AHCTF1: variants seen among roughly 807,000 people sequenced by gnomAD.
The protein encoded by AHCTF1 is AT-hook containing transcription factor 1.
A neutral mutation model predicts 248.4 loss-of-function variants in AHCTF1; 24 were observed. The ratio of observed to expected loss-of-function variants is 0.10; its 90% CI spans 0.07 to 0.14. AHCTF1 has a LOEUF of 0.14. Among genes scored for constraint, AHCTF1 ranks in the 10% least tolerant of loss-of-function variants. AHCTF1 has a pLI of 1.00. For missense variants in AHCTF1, 2,206 were observed against 2,636.2 expected (o/e 0.84, Z 3.57); for synonymous variants, 786 against 929.8 (o/e 0.85, Z 2.81).
At chr1:246,901,830 A>C (rs552740578) in intron 8 of AHCTF1, among the ~76,000 whole-genome samples, 1 of 152,288 alleles carries the variant, frequency 6.6e-6, no homozygotes, top group Admixed American at 6.5e-5. Context: ...CCCTGTCTCT[A>C]AATAAATAAA....
intron 29 of AHCTF1, among the ~76,000 whole-genome samples, chr1:246,859,896 G>A (rs1403623424): frequency 4.6e-5 from 7 of 152,088 alleles, no homozygotes; most frequent in Admixed American, 4.6e-4. Context: ...TTGGAGGTGA[G>A]GACAGAGAGT....
chr1:246,907,220 TA>T (rs1319737580), intron 5 of AHCTF1, among the ~76,000 whole-genome samples: 1 of 152,218 alleles, frequency 6.6e-6, no homozygotes, highest in Non-Finnish European at 1.5e-5. Flanking sequence ...AGTAAAATTT[TA>T]TGAGACCCCT....
chr1:246,929,828 C>T (rs193253623), intron 1 of AHCTF1, among the ~76,000 whole-genome samples: 136 of 152,268 alleles, frequency 8.9e-4, no homozygotes, highest in Admixed American at 3.5e-3. Context: ...CCAAGGCGGG[C>T]GGATCACGAG....
chr1:246,891,690 C>G, intron 15 of AHCTF1, 89 bp downstream of exon 15: 1 of 1,353,084 alleles, frequency 7.4e-7, no homozygotes, highest in South Asian at 1.3e-5. Context: ...ACATAATGAT[C>G]CATCTAAGAC....
At chr1:246,922,880 G>A (rs1182176078) in intron 1 of AHCTF1, among the ~76,000 whole-genome samples, 2 of 150,572 alleles carry the variant, frequency 1.3e-5, no homozygotes, top group Non-Finnish European at 3.0e-5. Context: ...CTACTCGGGA[G>A]GCTGAGGCAG....
Position 246,907,541 on chromosome 1 carries a change from T to A in AHCTF1, c.764+10A>T, listed in dbSNP as rs753746962. The A allele has an allele frequency of 2.5e-6, 4 of 1,609,570 alleles. No homozygotes were observed. The South Asian group carries it at 4.4e-5, about 18-fold the overall frequency. On this transcript the variant is annotated intron_variant, in intron 5 of 35. Coordinates refer to ENST00000648844, the MANE Select transcript of AHCTF1 (RefSeq NM_001323342.2). ...CCTATAATCAAATAAGGGAAAAAAG[T>A]TATACTTACTCTCTTTTCATGCTTT...
At chr1:246,925,286 T>C (rs1414112565) in intron 1 of AHCTF1, among the ~76,000 whole-genome samples, 2 of 152,164 alleles carry the variant, frequency 1.3e-5, no homozygotes, top group African/African-American at 4.8e-5. Context: ...TCAATACAAT[T>C]TTGGAAAGAT....
At position 246,853,407 on chromosome 1, in the gene AHCTF1, A is replaced by C. The variant is rs997797414; in HGVS notation, c.4355-108T>G. 27 of 807,080 alleles carry C rather than the reference A, an allele frequency of 3.3e-5. No homozygotes were observed. The Admixed American group carries it at 7.5e-4, about 23-fold the overall frequency. The allele number at this position is 807,080 out of a possible 1,614,324, so 50.0% of individuals were successfully genotyped here. On this transcript the variant is annotated intron_variant, in intron 31 of 35. Transcript: ENST00000648844. ...TACACTGCACTTGAATAGTGTATTA[A>C]TAAACTATCACAATGCCAGAAAAGT...
intron 1 of AHCTF1, chr1:246,931,112 C>G: frequency 6.5e-7 from 1 of 1,548,222 alleles, no homozygotes; most frequent in Non-Finnish European, 8.7e-7. Flanking sequence ...AACTTCTTCC[C>G]CGCCAGGACT....
intron 6 of AHCTF1, among the ~76,000 whole-genome samples, chr1:246,904,699 G>A (rs577138816): frequency 9.2e-5 from 14 of 152,296 alleles, no homozygotes; most frequent in African/African-American, 3.1e-4. Flanking sequence ...GTGAACTCAA[G>A]CACGAAGCAT....
intron 1 of AHCTF1, among the ~76,000 whole-genome samples, chr1:246,919,488 CG>C (rs1264954390): frequency 1.3e-5 from 2 of 149,284 alleles, no homozygotes; most frequent in African/African-American, 5.0e-5. Flanking sequence ...CTGAGGCAGG[CG>C]GATCACAAGG....
chr1:246,924,314 T>A (rs1666780327), intron 1 of AHCTF1, among the ~76,000 whole-genome samples: 1 of 152,216 alleles, frequency 6.6e-6, no homozygotes, highest in South Asian at 2.1e-4. Flanking sequence ...TTTCATACAA[T>A]AATCTCTATG....
At position 246,887,287 on chromosome 1, in the gene AHCTF1, G is replaced by A; in HGVS notation, c.2396C>T (p.Pro799Leu). ...GCCCCAAGAAATGGCAAATACAGTTGGGAAAGATTCAATGGGAGTGTCTGT... is the reference window on the plus strand; with the variant it reads ...GCCCCAAGAAATGGCAAATACAGTTAGGAAAGATTCAATGGGAGTGTCTGT... ...NKTDTPIESF[P>L]TVFAISWGQV... is the part of the protein sequence containing the mutation. The change falls in exon 20 of 36, where the codon CCA (proline) becomes CTA (leucine). Residue 799 changes from proline to leucine, a missense_variant. By Grantham distance (98) the Pro-to-Leu change is moderately conservative (BLOSUM62 -3). Transcript: ENST00000648844. 1.2e-6 allele frequency: 2 copies of A among 1,613,274 alleles called. No homozygotes were observed. Among genetic ancestry groups the A allele is most frequent in the South Asian group, 1.1e-5 (1 of 90,986 alleles).
chr1:246,894,878 G>A, intron 13 of AHCTF1, 130 bp from the exon 14 acceptor site: 1 of 720,584 alleles, frequency 1.4e-6, no homozygotes, highest in Non-Finnish European at 2.4e-6. Flanking sequence ...GAGGCAACTT[G>A]GGAAAATGGA....
chr1:246,858,057 T>G (rs1322989595), intron 29 of AHCTF1, among the ~76,000 whole-genome samples: 2 of 151,822 alleles, frequency 1.3e-5, no homozygotes, highest in Non-Finnish European at 2.9e-5. Flanking sequence ...CCTCCCAGGT[T>G]CACGCCATTC....
chr1:246,899,398 A>G (rs1664839179), intron 11 of AHCTF1, 53 bp downstream of exon 11: 11 of 1,401,678 alleles, frequency 7.8e-6, no homozygotes, highest in Non-Finnish European at 9.8e-6. Context: ...TAAATCAACT[A>G]TATTCTAAGA....
chr1:246,915,315 C>T (rs972002692), intron 3 of AHCTF1, among the ~76,000 whole-genome samples: 4 of 151,942 alleles, frequency 2.6e-5, no homozygotes, highest in African/African-American at 4.8e-5. Context: ...GCTGACAGAG[C>T]GACTCTGTCT....
At chr1:246,913,126 CTTTTA>C in intron 4 of AHCTF1, 101 bp downstream of exon 4, 1 of 885,538 alleles carries the variant, frequency 1.1e-6, no homozygotes. Flanking sequence ...AGGAAGATAT[CTTTTA>C]TTTTACTCCA....
rs1351468332 is a variant in AHCTF1, at chr1:246,850,339, A to G, written c.5667T>C (p.Asn1889=). 6.2e-7 allele frequency: 1 copy of G among 1,613,448 alleles called. No individual in the cohort carries two copies. Among genetic ancestry groups the G allele is most frequent in the Admixed American group, 1.7e-5 (1 of 59,868 alleles). ...VENQESVEII[N]DLKVSTVTSP... ...TTGTTACCGTACTAACTTTTAGATCATTTATAATTTCAACACTTTCCTGAT... is the reference window on the plus strand; with the variant it reads ...TTGTTACCGTACTAACTTTTAGATCGTTTATAATTTCAACACTTTCCTGAT... Residue 1889 remains asparagine (N), a synonymous_variant, in exon 33 of 36, where the codon AAT becomes AAC. Transcript: ENST00000648844.
Sources: allele counts gnomAD v4.1 joint callset (sites outside exome capture counted in the v4.1 genomes callset), GRCh38; gene constraint gnomAD v4.1.1; transcripts MANE v1.5; gene names NCBI Gene and HGNC (gene_info 2026-07-23, HGNC 2026-07-21).